The following CPVL variants were observed in gnomAD, a reference collection of about 807,000 sequenced individuals.
The protein encoded by CPVL is carboxypeptidase vitellogenic like, also known as probable serine carboxypeptidase CPVL.
Under a neutral mutation model 63.7 loss-of-function variants are expected in CPVL, and 51 were observed. That is an observed-to-expected ratio of 0.80 (90% CI 0.64 to 1.01). The LOEUF (loss-of-function observed/expected upper bound fraction) is 1.01. Among genes scored for constraint, CPVL ranks in the 50% least tolerant of loss-of-function variants. CPVL has a pLI of 0.00. For missense variants in CPVL, 530 were observed against 573.1 expected (o/e 0.92, Z 0.77); for synonymous variants, 195 against 206.0 (o/e 0.95, Z 0.46).
chr7:29,086,130 A>G (rs545453613), intron 7 of CPVL, among the ~76,000 whole-genome samples: 12 of 152,052 alleles, frequency 7.9e-5, no homozygotes, highest in Non-Finnish European at 1.8e-4. Flanking sequence ...CATCTCTACT[A>G]AAAATACAAA....
At chr7:29,172,694 A>G (rs966096254) in intron 5 of CPVL, among the ~76,000 whole-genome samples, 2 of 152,202 alleles carry the variant, frequency 1.3e-5, no homozygotes, top group Admixed American at 1.3e-4. Context: ...TTTTTGACAT[A>G]CAGTCATCTG....
At chr7:29,124,381 G>A (rs1789751993) in intron 1 of CPVL, among the ~76,000 whole-genome samples, 1 of 152,034 alleles carries the variant, frequency 6.6e-6, no homozygotes, top group Admixed American at 6.5e-5. Flanking sequence ...CAAACAAAAT[G>A]TTCTTCTTAA....
chr7:29,068,734 A>G (rs111754019), intron 9 of CPVL, among the ~76,000 whole-genome samples: 10 of 135,524 alleles, frequency 7.4e-5, no homozygotes, highest in African/African-American at 2.5e-4. Flanking sequence ...TCGCTCTGTC[A>G]CCCAGGCTGG....
upstream of CPVL, among the ~76,000 whole-genome samples, chr7:29,147,815 A>G (rs1331356799): frequency 6.6e-6 from 1 of 152,244 alleles, no homozygotes; most frequent in East Asian, 1.9e-4. Context: ...AAAGTTATAA[A>G]CAAAGTTAAC....
chr7:29,093,377 C>CAAA (rs371165878), intron 5 of CPVL, among the ~76,000 whole-genome samples: 208 of 69,696 alleles, frequency 3.0e-3, no homozygotes, highest in Non-Finnish European at 4.1e-3. Context: ...ACTCCGTCTC[C>CAAA]AAAAAAAAAA....
At chr7:29,061,017 G>A (rs2128559770) in intron 11 of CPVL, among the ~76,000 whole-genome samples, 1 of 152,284 alleles carries the variant, frequency 6.6e-6, no homozygotes, top group East Asian at 1.9e-4. Context: ...TTTAGCAGCA[G>A]CCACTTTTTG....
chr7:29,058,904 A>T, intron 11 of CPVL, among the ~76,000 whole-genome samples: 1 of 150,696 alleles, frequency 6.6e-6, no homozygotes, highest in East Asian at 1.9e-4. Flanking sequence ...CATTTATCTG[A>T]CTCCATGTTT....
intron 3 of CPVL, among the ~76,000 whole-genome samples, chr7:29,110,270 C>T (rs1322224167): frequency 6.6e-6 from 1 of 152,122 alleles, no homozygotes; most frequent in African/African-American, 2.4e-5. Context: ...CCTAACAGTT[C>T]TTAGAGAATC....
intron 9 of CPVL, among the ~76,000 whole-genome samples, chr7:29,069,234 G>A (rs1783463889): frequency 1.3e-5 from 2 of 151,446 alleles, no homozygotes. Flanking sequence ...GAGGTCCGGA[G>A]TTTGAGACCA....
intron 12 of CPVL, among the ~76,000 whole-genome samples, chr7:29,014,407 A>G (rs1452864247): frequency 6.6e-6 from 1 of 152,120 alleles, no homozygotes; most frequent in Non-Finnish European, 1.5e-5. Context: ...AACATAGCTC[A>G]CTGCGCCTCG....
chr7:29,033,355 G>T (rs1200947957), intron 11 of CPVL, among the ~76,000 whole-genome samples: 1 of 152,144 alleles, frequency 6.6e-6, no homozygotes, highest in Non-Finnish European at 1.5e-5. Context: ...AGGTGGGCAC[G>T]GCATAGGGGT....
intron 12 of CPVL, among the ~76,000 whole-genome samples, chr7:29,008,399 T>C (rs995066492): frequency 2.0e-5 from 3 of 152,022 alleles, no homozygotes; most frequent in Admixed American, 6.6e-5. Flanking sequence ...GAAGGGCAGA[T>C]TGGTGAGGAA....
At chr7:29,106,242 A>G (rs1022848566) in intron 3 of CPVL, among the ~76,000 whole-genome samples, 20 of 151,916 alleles carry the variant, frequency 1.3e-4, no homozygotes, top group African/African-American at 4.4e-4. Context: ...CAAGGGAACG[A>G]CCCTCTGGGG....
intron 11 of CPVL, among the ~76,000 whole-genome samples, chr7:29,062,275 A>G (rs320101): frequency 0.13 from 19,216 of 152,006 alleles, 2,465 homozygotes; most frequent in African/African-American, 0.33. Flanking sequence ...TGCCATGTAC[A>G]CCTATGGGGG....
At chr7:29,146,929 C>A, upstream of CPVL, 1 of 1,551,146 alleles carries the variant, frequency 6.4e-7, no homozygotes, top group South Asian at 1.2e-5. Flanking sequence ...AACACACGTT[C>A]GCTGATGGTC....
chr7:29,027,553 C>T (rs1254191495), intron 12 of CPVL, among the ~76,000 whole-genome samples: 3 of 152,068 alleles, frequency 2.0e-5, no homozygotes, highest in African/African-American at 7.2e-5. Flanking sequence ...CTCTTTGCAG[C>T]TGACACGATC....
chr7:29,142,614 C>T (rs1226203634), intron 1 of CPVL, among the ~76,000 whole-genome samples: 1 of 150,250 alleles, frequency 6.7e-6, no homozygotes, highest in East Asian at 2.0e-4. Flanking sequence ...GGAGCCTCTG[C>T]TGCCGGGTTG....
At chr7:29,058,609 T>C (rs1790978348) in intron 11 of CPVL, among the ~76,000 whole-genome samples, 1 of 152,162 alleles carries the variant, frequency 6.6e-6, no homozygotes, top group Non-Finnish European at 1.5e-5. Flanking sequence ...AATTTTTGTT[T>C]GTCTGAGAAA....
chr7:29,093,151 T>C (rs60888558), intron 5 of CPVL, among the ~76,000 whole-genome samples: 29,525 of 151,894 alleles, frequency 0.19, 3,063 homozygotes, highest in East Asian at 0.37. Flanking sequence ...TTTGGGAGGC[T>C]GAGGCGGGCG....
Sources: gnomAD v4.1 joint callset for allele counts (sites outside exome capture counted in the v4.1 genomes callset) on GRCh38, gnomAD v4.1.1 for gene constraint, MANE v1.5 for transcripts, NCBI Gene and HGNC (gene_info 2026-07-23, HGNC 2026-07-21) for gene names.